PKHD1: variants seen among roughly 807,000 people sequenced by gnomAD.
PKHD1 encodes fibrocystin.
Under a neutral mutation model 412.0 loss-of-function variants are expected in PKHD1, and 291 were observed. The ratio of observed to expected loss-of-function variants is 0.71; its 90% CI spans 0.64 to 0.78. The LOEUF (loss-of-function observed/expected upper bound fraction) is 0.78. PKHD1 is among the 30% of genes least tolerant of loss of function. The probability of loss-of-function intolerance (pLI) is 0.00; values close to 1 mark genes in which losing one functional copy is unlikely to be tolerated. For missense variants in PKHD1, 4,825 were observed against 4,950.7 expected (o/e 0.97, Z 0.76); for synonymous variants, 1,777 against 1,821.5 (o/e 0.98, Z 0.62).
rs181514843 is a variant in PKHD1, at chr6:52,008,677, T to C, written c.5751+1632A>G. 1.5e-3 allele frequency among the ~76,000 whole-genome samples: 225 copies of C among 152,232 alleles called. 2 individuals carry two copies. The highest frequency in any genetic ancestry group is 2.8e-3 in the Non-Finnish European group (191 of 68,012). The stretch of plus-strand genomic sequence containing the variant: ...ACTAGTGAACTAGCACTGCCAATAA[T>C]GGCTAACATTGGACATTTACCATGT... On this transcript the variant is annotated intron_variant, in intron 35 of 66. Transcript: ENST00000371117.
chr6:51,749,041 T>C (rs923842710), intron 57 of PKHD1, among the ~76,000 whole-genome samples: 2 of 152,084 alleles, frequency 1.3e-5, no homozygotes, highest in African/African-American at 4.8e-5. Context: ...CACCTCAAAG[T>C]CAAGTCTCCC....
chr6:51,830,750 T>G, intron 52 of PKHD1, 111 bp downstream of exon 52: 1 of 1,023,368 alleles, frequency 9.8e-7, no homozygotes, highest in Non-Finnish European at 1.5e-6. Context: ...ACAACATAAG[T>G]GCCTACTTAT....
chr6:51,791,195 A>G, intron 53 of PKHD1, 41 bp downstream of exon 53: 2 of 1,603,048 alleles, frequency 1.2e-6, no homozygotes, highest in Non-Finnish European at 1.7e-6. Flanking sequence ...CTCACAGAAT[A>G]TAATTCTCAA....
chr6:51,706,262 G>A (rs1442080270), intron 60 of PKHD1, among the ~76,000 whole-genome samples: 1 of 152,058 alleles, frequency 6.6e-6, no homozygotes, highest in Non-Finnish European at 1.5e-5. Context: ...CAGGAACAGT[G>A]TTGTTGACTT....
intron 52 of PKHD1, among the ~76,000 whole-genome samples, chr6:51,811,386 T>C (rs187052274): frequency 6.6e-5 from 10 of 152,334 alleles, no homozygotes; most frequent in African/African-American, 2.4e-4. Context: ...CAATAAATTA[T>C]ACCACATTCC....
Position 51,867,970 on chromosome 6 carries a change from A to G in PKHD1, c.7626T>C (p.Ser2542=), listed in dbSNP as rs544539357. 2.5e-6 allele frequency: 4 copies of G among 1,613,580 alleles called. No individual in the cohort carries two copies. In the Admixed American group the frequency reaches 6.7e-5, roughly 27 times the overall value. ...AACAAGAAGCTGAAAGGGTTTCCATAGAAGCAAGAATGTGACTTCTGTTTT... is the reference window on the plus strand; with the variant it reads ...AACAAGAAGCTGAAAGGGTTTCCATGGAAGCAAGAATGTGACTTCTGTTTT... ...SGKNRSHILA[S]METLSASCLV... The change falls in exon 48 of 67, where the codon TCT becomes TCC. Residue 2542 remains serine (S), a synonymous_variant. Transcript: ENST00000371117.
At position 52,062,506 on chromosome 6, in the gene PKHD1, T is replaced by TC; in HGVS notation, c.1118+12dup. 6.2e-7 allele frequency: 1 copy of TC among 1,613,928 alleles called. No individual in the cohort carries two copies. The highest frequency in any genetic ancestry group is 8.5e-7 in the Non-Finnish European group (1 of 1,179,806). ...TGCTTTTGATGTGGGCTCCCACTTT[T>TC]CCTACAACATACCTGAAAGGTTGTC... On this transcript the variant is annotated intron_variant, in intron 14 of 66. Coordinates refer to ENST00000371117, the MANE Select transcript of PKHD1 (RefSeq NM_138694.4).
chr6:52,022,823 G>A lies in PKHD1; in HGVS notation c.5358C>T (p.Ser1786=), dbSNP rs78543922. Residue 1786 remains serine, a synonymous_variant, in exon 33 of 67, where the codon AGC becomes AGT. Coordinates refer to ENST00000371117, the MANE Select transcript of PKHD1 (RefSeq NM_138694.4). The part of the protein sequence containing the change: ...VLANATVSAF[S]CLVLPLDVSL... ...CACCATCCAGGGGCAGAACCAAGCA[G>A]CTGAAGGCAGACACTGTAGCATTAG... 1.9e-4 allele frequency: 308 copies of A among 1,614,100 alleles called. 1 individual carries two copies. In the African/African-American group the frequency reaches 3.7e-3, roughly 19 times the overall value.
intron 35 of PKHD1, among the ~76,000 whole-genome samples, chr6:51,966,950 G>C (rs1018036635): frequency 2.0e-5 from 3 of 150,632 alleles, no homozygotes; most frequent in Non-Finnish European, 4.4e-5. Flanking sequence ...CAGAGAAGTA[G>C]AGTATGAGCC....
At chr6:51,642,051 T>A (rs1273968242) in intron 63 of PKHD1, among the ~76,000 whole-genome samples, 2 of 152,014 alleles carry the variant, frequency 1.3e-5, no homozygotes, top group African/African-American at 4.8e-5. Flanking sequence ...TAATAATAAA[T>A]AAATAAATAG....
chr6:52,040,097 G>T (rs1804604746), intron 27 of PKHD1, among the ~76,000 whole-genome samples: 1 of 152,094 alleles, frequency 6.6e-6, no homozygotes, highest in African/African-American at 2.4e-5. Flanking sequence ...ACCAGGGATT[G>T]GGAAGAGGGA....
At chr6:51,820,587 C>T (rs1766233166) in intron 52 of PKHD1, among the ~76,000 whole-genome samples, 1 of 152,116 alleles carries the variant, frequency 6.6e-6, no homozygotes, top group African/African-American at 2.4e-5. Context: ...TATAATCCTA[C>T]TTTATTTTAT....
chr6:51,746,250 T>C (rs1785181465), intron 59 of PKHD1, among the ~76,000 whole-genome samples: 1 of 152,198 alleles, frequency 6.6e-6, no homozygotes, highest in African/African-American at 2.4e-5. Context: ...AATCTCCTTC[T>C]ATCTACTAGT....
At chr6:51,974,425 A>C (rs1226091957) in intron 35 of PKHD1, among the ~76,000 whole-genome samples, 1 of 152,206 alleles carries the variant, frequency 6.6e-6, no homozygotes, top group African/African-American at 2.4e-5. Flanking sequence ...CAGTTTGAGA[A>C]TATTTAATGA....
chr6:51,873,404 A>C (rs1776319324), intron 46 of PKHD1, among the ~76,000 whole-genome samples: 1 of 152,170 alleles, frequency 6.6e-6, no homozygotes, highest in South Asian at 2.1e-4. Context: ...GGACAAGAAG[A>C]GGCTTTAGAG....
chr6:51,978,745 T>C (rs1047488442), intron 35 of PKHD1, among the ~76,000 whole-genome samples: 1 of 152,114 alleles, frequency 6.6e-6, no homozygotes, highest in Non-Finnish European at 1.5e-5. Context: ...CAGGCATACG[T>C]CCTCTTCTTC....
At chr6:51,776,158 G>A (rs1169793987) in intron 53 of PKHD1, among the ~76,000 whole-genome samples, 3 of 151,952 alleles carry the variant, frequency 2.0e-5, no homozygotes, top group Non-Finnish European at 4.4e-5. Context: ...TTAGGGCAGT[G>A]TAAACTTTCC....
At position 51,758,564 on chromosome 6, in the gene PKHD1, G is replaced by A. The variant is rs193207043; in HGVS notation, c.8643-3626C>T. Among the ~76,000 whole-genome samples, 83 of 152,226 alleles carry A rather than the reference G, an allele frequency of 5.5e-4. No individual in the cohort carries two copies. The East Asian group carries it at 0.012, about 22-fold the overall frequency. On this transcript the variant is annotated intron_variant, in intron 55 of 66. Coordinates refer to ENST00000371117, the MANE Select transcript of PKHD1 (RefSeq NM_138694.4). ...TCCTAGATCTTCAGGGAAGAGGGGA[G>A]ACTTGCTTGTTGTTATGAGCAAAAC...
intron 52 of PKHD1, among the ~76,000 whole-genome samples, chr6:51,800,164 G>T (rs1285735670): frequency 6.6e-6 from 1 of 152,118 alleles, no homozygotes; most frequent in Non-Finnish European, 1.5e-5. Context: ...GGTGCCTCTT[G>T]GTTCCGAATT....
Sources: allele counts gnomAD v4.1 joint callset (sites outside exome capture counted in the v4.1 genomes callset), GRCh38; gene constraint gnomAD v4.1.1; transcripts MANE v1.5; gene names NCBI Gene and HGNC (gene_info 2026-07-23, HGNC 2026-07-21).